The following GNAT3 variants were observed in gnomAD, a reference collection of about 807,000 sequenced individuals.
GNAT3 encodes guanine nucleotide-binding protein G(t) subunit alpha-3.
A neutral mutation model predicts 37.7 loss-of-function variants in GNAT3; 31 were observed. The observed-to-expected ratio is 0.82, with a 90% confidence interval of 0.62 to 1.11. The LOEUF (loss-of-function observed/expected upper bound fraction) is 1.11. Among genes scored for constraint, GNAT3 ranks in the 50% most tolerant of loss-of-function variants. The pLI, the probability that GNAT3 is intolerant of heterozygous loss-of-function variation, is 0.00. For synonymous variants in GNAT3, 138 were observed against 139.8 expected, an observed-to-expected ratio of 0.99 and a Z score of 0.09; for missense variants, 437 against 412.5, an observed-to-expected ratio of 1.06 and a Z score of -0.51.
At chr7:80,507,179 A>G (rs1790962591) in intron 1 of GNAT3, among the ~76,000 whole-genome samples, 1 of 151,982 alleles carries the variant, frequency 6.6e-6, no homozygotes, top group Admixed American at 6.6e-5. Context: ...TGTTTATCTG[A>G]TCTTATCCAT....
intron 3 of GNAT3, 134 bp downstream of exon 3, chr7:80,488,401 T>A (rs1262249997): frequency 1.5e-6 from 1 of 656,430 alleles, no homozygotes; most frequent in South Asian, 3.1e-5. Flanking sequence ...CAAAACAGAA[T>A]TAATGTTTCA....
At chr7:80,461,699 G>A (rs181130412) in intron 7 of GNAT3, among the ~76,000 whole-genome samples, 16 of 152,046 alleles carry the variant, frequency 1.1e-4, no homozygotes, top group Non-Finnish European at 1.6e-4. Context: ...CAGGATCCAC[G>A]AAAACCGGAA....
At chr7:80,459,429 G>GA (rs1420881095) in intron 7 of GNAT3, among the ~76,000 whole-genome samples, 13 of 152,166 alleles carry the variant, frequency 8.5e-5, no homozygotes, top group African/African-American at 3.1e-4. Flanking sequence ...AAGTAGAATA[G>GA]ATGTTATGGG....
intron 4 of GNAT3, among the ~76,000 whole-genome samples, chr7:80,474,943 G>A (rs1790280023): frequency 6.6e-6 from 1 of 152,038 alleles, no homozygotes; most frequent in African/African-American, 2.4e-5. Flanking sequence ...GCATGAATTT[G>A]CCTCATCAAG....
intron 1 of GNAT3, among the ~76,000 whole-genome samples, chr7:80,509,157 T>C (rs958638954): frequency 2.6e-5 from 4 of 152,096 alleles, no homozygotes; most frequent in Non-Finnish European, 5.9e-5. Flanking sequence ...TAAGCACTTT[T>C]ATAATGTCTT....
rs894475208 is a variant in GNAT3 at position 80,486,683 on chromosome 7, C to T, written c.303+1852G>A. 5 of 98,798 alleles carry T rather than the reference C, an allele frequency of 5.1e-5. No individual in the cohort carries two copies. In the East Asian group the frequency reaches 1.7e-3, roughly 34 times the overall value. The allele number at this position is 98,798 out of a possible 1,614,324, so 6.1% of individuals were successfully genotyped here. ...AGATACAGTGTCTGGTTATATTGTT[C>T]AGACTGGTCTGGAACTCCCGGGCTC... On this transcript the variant is annotated intron_variant, in intron 3 of 7. Transcript: ENST00000398291.
chr7:80,464,765 T>C (rs1790105486), intron 5 of GNAT3, among the ~76,000 whole-genome samples: 1 of 152,112 alleles, frequency 6.6e-6, no homozygotes, highest in Admixed American at 6.6e-5. Context: ...TACAATATAT[T>C]ATACTTCGTA....
chr7:80,486,384 TTTA>T (rs1434285991), intron 3 of GNAT3: 1 of 151,800 alleles, frequency 6.6e-6, no homozygotes, highest in Non-Finnish European at 1.5e-5. Flanking sequence ...ATGTGTAGAG[TTTA>T]TTATTTTCAC....
chr7:80,510,953 A>T (rs879679371), intron 1 of GNAT3, among the ~76,000 whole-genome samples: 1 of 152,186 alleles, frequency 6.6e-6, no homozygotes, highest in Non-Finnish European at 1.5e-5. Flanking sequence ...ATCAGGGAGA[A>T]AGTACAACTC....
chr7:80,482,689 ATTT>A (rs71079119), intron 3 of GNAT3, among the ~76,000 whole-genome samples: 7,985 of 114,080 alleles, frequency 0.07, 585 homozygotes, highest in African/African-American at 0.2. Context: ...AATTTTTGTA[ATTT>A]TTTTTTTTTT....
At chr7:80,477,803 T>C (rs1021876893) in intron 4 of GNAT3, among the ~76,000 whole-genome samples, 1 of 152,202 alleles carries the variant, frequency 6.6e-6, no homozygotes, top group Non-Finnish European at 1.5e-5. Flanking sequence ...TTCACACATA[T>C]GCATGAACAG....
At chr7:80,497,411 ATAT>A (rs1351630955) in intron 1 of GNAT3, among the ~76,000 whole-genome samples, 6 of 151,938 alleles carry the variant, frequency 3.9e-5, no homozygotes, top group Admixed American at 1.3e-4. Flanking sequence ...TCATACAATA[ATAT>A]TATAAAACTG....
At position 80,474,248 on chromosome 7, in the gene GNAT3, T is replaced by C; in HGVS notation, c.590+3A>G. ...TACAGTTAGAAAAGATATTTGATCA[T>C]ACCTGAAGTGCAAGTCTTTAAAGGA... On this transcript the variant is annotated splice_donor_region_variant and intron_variant, in intron 5 of 7. Coordinates refer to ENST00000398291, the MANE Select transcript of GNAT3 (RefSeq NM_001102386.3). The C allele has an allele frequency of 6.2e-7, 1 of 1,603,838 alleles. No homozygotes were observed. Among genetic ancestry groups the C allele is most frequent in the Non-Finnish European group, 8.5e-7 (1 of 1,174,270 alleles).
intron 3 of GNAT3, chr7:80,486,501 A>T (rs949946489): frequency 2.0e-5 from 3 of 150,334 alleles, no homozygotes; most frequent in African/African-American, 4.9e-5. Flanking sequence ...GCTGGAGTGC[A>T]GTGGCGCCAT....
intron 1 of GNAT3, among the ~76,000 whole-genome samples, chr7:80,506,960 G>T (rs1473519530): frequency 6.6e-6 from 1 of 151,936 alleles, no homozygotes; most frequent in Non-Finnish European, 1.5e-5. Context: ...AAAATATTTT[G>T]TAATATTTAT....
At chr7:80,508,540 A>AT (rs1339637639) in intron 1 of GNAT3, among the ~76,000 whole-genome samples, 1 of 151,958 alleles carries the variant, frequency 6.6e-6, no homozygotes, top group Non-Finnish European at 1.5e-5. Flanking sequence ...TTGCAAGTAA[A>AT]TTTTTTAAAG....
intron 5 of GNAT3, among the ~76,000 whole-genome samples, chr7:80,471,753 T>C (rs1435888350): frequency 6.6e-6 from 1 of 152,142 alleles, no homozygotes; most frequent in East Asian, 1.9e-4. Flanking sequence ...ATATGCATTT[T>C]AATTCCATCT....
intron 3 of GNAT3, among the ~76,000 whole-genome samples, chr7:80,482,501 GT>G (rs1353945400): frequency 2.0e-5 from 3 of 146,932 alleles, no homozygotes; most frequent in Non-Finnish European, 4.5e-5. Context: ...TTTCTTTTTT[GT>G]TTTTTTGTTT....
At position 80,473,458 on chromosome 7, in the gene GNAT3, C is replaced by A. The variant is rs1029311150; in HGVS notation, c.590+793G>T. Among the ~76,000 whole-genome samples, 26 of 152,076 alleles carry A rather than the reference C, an allele frequency of 1.7e-4. 1 individual carries two copies. The highest frequency in any genetic ancestry group is 6.8e-3 in the Middle Eastern group (2 of 294). On this transcript the variant is annotated intron_variant, in intron 5 of 7. Coordinates refer to ENST00000398291, the MANE Select transcript of GNAT3 (RefSeq NM_001102386.3). ...ATGAATAATTCATGCCACTCTATCT[C>A]CAGTTTTTTACTCTTTAAGATTATT...
Sources: allele counts gnomAD v4.1 joint callset (sites outside exome capture counted in the v4.1 genomes callset), GRCh38; gene constraint gnomAD v4.1.1; transcripts MANE v1.5; gene names NCBI Gene and HGNC (gene_info 2026-07-23, HGNC 2026-07-21).